The following ANKS1B variants were observed in gnomAD, a reference collection of about 807,000 sequenced individuals.
The protein encoded by ANKS1B is ankyrin repeat and sterile alpha motif domain-containing protein 1B.
A neutral mutation model predicts 148.3 loss-of-function variants in ANKS1B; 36 were observed. The ratio of observed to expected loss-of-function variants is 0.24; its 90% CI spans 0.19 to 0.32. The LOEUF (loss-of-function observed/expected upper bound fraction) is 0.32, where lower values mean the gene tolerates loss of function less well. ANKS1B is among the 10% of genes least tolerant of loss of function. ANKS1B has a pLI of 1.00. For missense variants in ANKS1B, 1,157 were observed against 1,542.6 expected (o/e 0.75, Z 4.19); for synonymous variants, 542 against 560.8 (o/e 0.97, Z 0.47).
chr12:99,437,540 C>T (rs766976288), intron 11 of ANKS1B, among the ~76,000 whole-genome samples: 4 of 151,776 alleles, frequency 2.6e-5, no homozygotes, highest in Non-Finnish European at 4.4e-5. Flanking sequence ...TCAAGAGCCC[C>T]CTTCTATTTT....
chr12:99,659,773 A>G (rs1285162904), intron 8 of ANKS1B, among the ~76,000 whole-genome samples: 5 of 152,148 alleles, frequency 3.3e-5, no homozygotes, highest in Non-Finnish European at 7.4e-5. Context: ...AATTATCCCT[A>G]TTTTACAAGT....
chr12:99,474,870 T>C (rs2096291654), intron 10 of ANKS1B, among the ~76,000 whole-genome samples: 1 of 152,042 alleles, frequency 6.6e-6, no homozygotes, highest in South Asian at 2.1e-4. Flanking sequence ...ATAATTACTA[T>C]AAATATTGGG....
At chr12:99,470,779 A>G (rs1338475837) in intron 10 of ANKS1B, among the ~76,000 whole-genome samples, 1 of 152,120 alleles carries the variant, frequency 6.6e-6, no homozygotes, top group Non-Finnish European at 1.5e-5. Context: ...GAAAAACTGG[A>G]TGGAAATTGC....
chr12:99,425,846 A>G (rs1260550407), intron 11 of ANKS1B, among the ~76,000 whole-genome samples: 1 of 148,818 alleles, frequency 6.7e-6, no homozygotes, highest in East Asian at 1.9e-4. Context: ...ATTTATCTCT[A>G]TAGCATTAGT....
intron 1 of ANKS1B, among the ~76,000 whole-genome samples, chr12:99,843,467 C>T (rs2086098365): frequency 6.6e-6 from 1 of 152,078 alleles, no homozygotes; most frequent in East Asian, 1.9e-4. Flanking sequence ...TCCATGGGTT[C>T]TCATCATTTG....
chr12:99,007,950 A>T (rs1029852167), intron 17 of ANKS1B, among the ~76,000 whole-genome samples: 1 of 150,516 alleles, frequency 6.6e-6, no homozygotes. Flanking sequence ...AAACATGTTC[A>T]GCCCCCTTCA....
intron 15 of ANKS1B, among the ~76,000 whole-genome samples, chr12:99,105,990 T>C (rs992358123): frequency 6.6e-6 from 1 of 151,866 alleles, no homozygotes; most frequent in African/African-American, 2.4e-5. Flanking sequence ...ACAAGAAGAG[T>C]GGTTTCTAGG....
At position 98,977,423 on chromosome 12, in the gene ANKS1B, A is replaced by G. The variant is rs140163691; in HGVS notation, c.2778+75734T>C. Among the ~76,000 whole-genome samples the G allele has an allele frequency of 3.6e-3, 545 of 152,282 alleles. 4 individuals carry two copies. The highest frequency in any genetic ancestry group is 0.013 in the African/African-American group (527 of 41,570). On this transcript the variant is annotated intron_variant, in intron 17 of 26. Transcript: ENST00000683438. The stretch of plus-strand genomic sequence containing the variant: ...ACATTCTAAAGGCAAAGATTCCAGA[A>G]CGTTTAAATTTAGTTGTGAAAAACT...
At chr12:99,950,021 C>T (rs1160807780) in intron 1 of ANKS1B, among the ~76,000 whole-genome samples, 3 of 151,876 alleles carry the variant, frequency 2.0e-5, no homozygotes, top group Non-Finnish European at 4.4e-5. Context: ...AGTGCAGTAG[C>T]ACGATCACAG....
chr12:99,667,932 G>C (rs1038245403), intron 8 of ANKS1B, among the ~76,000 whole-genome samples: 3 of 152,050 alleles, frequency 2.0e-5, no homozygotes, highest in African/African-American at 7.2e-5. Context: ...GTGTATGCCG[G>C]ACTTGATTTG....
chr12:98,932,126 CA>C, intron 17 of ANKS1B, among the ~76,000 whole-genome samples: 1 of 152,222 alleles, frequency 6.6e-6, no homozygotes, highest in Non-Finnish European at 1.5e-5. Flanking sequence ...GGGAAGAGAC[CA>C]GGGGGAAACA....
At chr12:99,614,370 G>A (rs1411438091) in intron 9 of ANKS1B, among the ~76,000 whole-genome samples, 1 of 151,452 alleles carries the variant, frequency 6.6e-6, no homozygotes, top group Non-Finnish European at 1.5e-5. Context: ...AGGAGGCGGA[G>A]GTTGCAGTGA....
chr12:99,314,843 A>G (rs1486634458), intron 12 of ANKS1B, among the ~76,000 whole-genome samples: 2 of 152,210 alleles, frequency 1.3e-5, no homozygotes, highest in Admixed American at 1.3e-4. Flanking sequence ...AATACCATTC[A>G]GGACATAGGC....
chr12:99,812,394 T>C (rs2068481561), intron 2 of ANKS1B, 83 bp from the exon 3 acceptor site: 6 of 1,414,640 alleles, frequency 4.2e-6, no homozygotes, highest in Non-Finnish European at 5.7e-6. Flanking sequence ...GAATACTAGA[T>C]GCTGGGTGGG....
At chr12:98,912,415 C>G (rs771688702) in intron 17 of ANKS1B, among the ~76,000 whole-genome samples, 5 of 152,188 alleles carry the variant, frequency 3.3e-5, no homozygotes, top group Non-Finnish European at 5.9e-5. Context: ...CAACAACACT[C>G]AGCCAAAGCA....
intron 17 of ANKS1B, among the ~76,000 whole-genome samples, chr12:98,980,358 G>A (rs1405289564): frequency 1.3e-5 from 2 of 152,204 alleles, no homozygotes; most frequent in East Asian, 3.9e-4. Context: ...CCGCCACCAC[G>A]CCCAGCTAAT....
chr12:99,684,270 T>C (rs1173548992), intron 8 of ANKS1B, among the ~76,000 whole-genome samples: 1 of 148,796 alleles, frequency 6.7e-6, no homozygotes, highest in Non-Finnish European at 1.5e-5. Flanking sequence ...AAGGATCAAG[T>C]GACAAAATCA....
chr12:99,281,420 T>C (rs1566801860), intron 12 of ANKS1B, among the ~76,000 whole-genome samples: 1 of 152,186 alleles, frequency 6.6e-6, no homozygotes. Flanking sequence ...GAACTGATAG[T>C]AGAGGGGTGC....
chr12:99,881,448 T>C (rs1332153700), intron 1 of ANKS1B, among the ~76,000 whole-genome samples: 3 of 152,158 alleles, frequency 2.0e-5, no homozygotes, highest in South Asian at 2.1e-4. Context: ...TCTGTTTACC[T>C]ACCTCTTGAA....
Sources: gnomAD v4.1 joint callset for allele counts (sites outside exome capture counted in the v4.1 genomes callset) on GRCh38, gnomAD v4.1.1 for gene constraint, MANE v1.5 for transcripts, NCBI Gene and HGNC (gene_info 2026-07-23, HGNC 2026-07-21) for gene names.